The following PDE10A variants were observed in gnomAD, a reference collection of about 807,000 sequenced individuals.
The protein encoded by PDE10A is cAMP and cAMP-inhibited cGMP 3',5'-cyclic phosphodiesterase 10A.
Under a neutral mutation model 97.7 loss-of-function variants are expected in PDE10A, and 39 were observed. The ratio of observed to expected loss-of-function variants is 0.40; its 90% CI spans 0.31 to 0.52. PDE10A has a LOEUF of 0.52. PDE10A is among the 20% of genes least tolerant of loss of function. The pLI is 0.56. For missense variants in PDE10A, 731 were observed against 1,047.8 expected (o/e 0.70, Z 4.17); for synonymous variants, 371 against 376.8 (o/e 0.98, Z 0.18).
intron 1 of PDE10A, among the ~76,000 whole-genome samples, chr6:165,943,346 G>GAGAAAGAAAGAAAGAA (rs1554343647): frequency 2.5e-5 from 2 of 79,488 alleles, no homozygotes; most frequent in African/African-American, 1.1e-4. Flanking sequence ...AGAAAGAAAA[G>GAGAAAGAAAGAAAGAA]AGAAAGAAAG....
chr6:165,619,159 G>A (rs199677403), intron 1 of PDE10A, among the ~76,000 whole-genome samples: 2 of 121,080 alleles, frequency 1.7e-5, no homozygotes, highest in African/African-American at 5.9e-5. Context: ...GTCGTGTAGT[G>A]TAGTGTAGTG....
chr6:165,719,688 A>G (rs1470999556), intron 1 of PDE10A, among the ~76,000 whole-genome samples: 1 of 152,186 alleles, frequency 6.6e-6, no homozygotes, highest in Non-Finnish European at 1.5e-5. Context: ...AAGCTCATGG[A>G]GCTGATGGCA....
chr6:165,343,723 T>C (rs1484793932), intron 18 of PDE10A, among the ~76,000 whole-genome samples: 1 of 152,184 alleles, frequency 6.6e-6, no homozygotes, highest in Non-Finnish European at 1.5e-5. Flanking sequence ...GAGGAGTGCA[T>C]CATATGTTCC....
intron 2 of PDE10A, among the ~76,000 whole-genome samples, chr6:165,519,488 A>C: frequency 6.6e-6 from 1 of 151,878 alleles, no homozygotes; most frequent in Non-Finnish European, 1.5e-5. Flanking sequence ...CCACATCAGA[A>C]GAAAAATGAG....
upstream of PDE10A, among the ~76,000 whole-genome samples, chr6:165,667,798 G>A (rs76678853): frequency 5.9e-3 from 893 of 152,058 alleles, 9 homozygotes; most frequent in African/African-American, 0.021. Flanking sequence ...TGAAGATACT[G>A]GTGTTAAAAA....
intron 3 of PDE10A, among the ~76,000 whole-genome samples, chr6:165,459,674 T>A (rs1425308327): frequency 6.6e-6 from 1 of 152,138 alleles, no homozygotes; most frequent in East Asian, 1.9e-4. Context: ...TAATCCTCAT[T>A]GCCAGGCTGC....
chr6:165,565,309 A>C (rs1784720938), intron 1 of PDE10A, among the ~76,000 whole-genome samples: 1 of 152,214 alleles, frequency 6.6e-6, no homozygotes, highest in African/African-American at 2.4e-5. Context: ...TCCAGGAATG[A>C]ACAAGTAGAT....
chr6:165,395,300 G>T, intron 14 of PDE10A, 36 bp from the exon 15 acceptor site: 3 of 1,366,068 alleles, frequency 2.2e-6, no homozygotes, highest in Non-Finnish European at 3.1e-6. Context: ...CACTAAACGT[G>T]ATTAGAATAA....
chr6:165,555,649 T>G (rs1784215054), intron 1 of PDE10A, among the ~76,000 whole-genome samples: 1 of 152,234 alleles, frequency 6.6e-6, no homozygotes. Flanking sequence ...TGTCTCAGAA[T>G]AATTAATGGT....
At chr6:165,687,651 C>G (rs1259609267) in intron 1 of PDE10A, among the ~76,000 whole-genome samples, 1 of 152,216 alleles carries the variant, frequency 6.6e-6, no homozygotes, top group Non-Finnish European at 1.5e-5. Flanking sequence ...CGTGCCAAGC[C>G]TTACCTGTTC....
intron 1 of PDE10A, among the ~76,000 whole-genome samples, chr6:165,790,420 T>G (rs1289668195): frequency 6.6e-6 from 1 of 152,196 alleles, no homozygotes; most frequent in Admixed American, 6.5e-5. Flanking sequence ...GGAGGAAGTC[T>G]CTTTTTAGAT....
chr6:165,986,500 CCTCTCTCTCTCTGTCTCT>C (rs912976355), intron 1 of PDE10A: 1 of 130,436 alleles, frequency 7.7e-6, no homozygotes, highest in African/African-American at 3.1e-5. Context: ...TGGTGTTGCG[CCTCTCTCTCTCTGTCTCT>C]CTCTCTCTCT....
chr6:165,411,347 T>A (rs567484892), intron 13 of PDE10A, among the ~76,000 whole-genome samples: 1 of 151,942 alleles, frequency 6.6e-6, no homozygotes, highest in African/African-American at 2.4e-5. Flanking sequence ...GAGGTAACTA[T>A]GGTAAGAGGA....
chr6:165,412,865 G>A (rs1189794987), intron 13 of PDE10A, among the ~76,000 whole-genome samples: 3 of 151,988 alleles, frequency 2.0e-5, no homozygotes, highest in Non-Finnish European at 4.4e-5. Context: ...TATTATTAAA[G>A]GATTACTAGA....
At chr6:165,701,847 G>A (rs1396456531) in intron 1 of PDE10A, among the ~76,000 whole-genome samples, 1 of 152,026 alleles carries the variant, frequency 6.6e-6, no homozygotes, top group African/African-American at 2.4e-5. Flanking sequence ...TGGAGTGGGG[G>A]TTAGGGAAGG....
intron 1 of PDE10A, among the ~76,000 whole-genome samples, chr6:165,594,569 T>C (rs907927566): frequency 6.6e-6 from 1 of 152,150 alleles, no homozygotes; most frequent in Non-Finnish European, 1.5e-5. Context: ...GCTATAAATA[T>C]AGATGGAATA....
intron 1 of PDE10A, among the ~76,000 whole-genome samples, chr6:165,719,773 A>G (rs1261713272): frequency 6.6e-6 from 1 of 152,202 alleles, no homozygotes; most frequent in African/African-American, 2.4e-5. Context: ...CAGCATTTGG[A>G]AAAAAATAGG....
intron 1 of PDE10A, among the ~76,000 whole-genome samples, chr6:165,943,557 A>G (rs1583321121): frequency 6.6e-6 from 1 of 152,148 alleles, no homozygotes; most frequent in Non-Finnish European, 1.5e-5. Flanking sequence ...ACAGAGTCCA[A>G]AGGTCTGAGA....
chr6:165,714,643 C>A (rs1582981030), intron 1 of PDE10A, among the ~76,000 whole-genome samples: 1 of 152,180 alleles, frequency 6.6e-6, no homozygotes, highest in East Asian at 1.9e-4. Context: ...AGGGTTAGAG[C>A]CTGGAGGGTG....
Sources: allele counts gnomAD v4.1 joint callset (sites outside exome capture counted in the v4.1 genomes callset), GRCh38; gene constraint gnomAD v4.1.1; transcripts MANE v1.5; gene names NCBI Gene and HGNC (gene_info 2026-07-23, HGNC 2026-07-21).